The following HSPA12B variants were observed in gnomAD, a reference collection of about 807,000 sequenced individuals.
HSPA12B encodes heat shock protein family A (Hsp70) member 12B.
A neutral mutation model predicts 69.3 loss-of-function variants in HSPA12B; 54 were observed. The observed-to-expected ratio is 0.78, with a 90% CI of 0.63 to 0.98. HSPA12B has a LOEUF of 0.98. HSPA12B is among the 50% of genes least tolerant of loss of function. The probability of loss-of-function intolerance (pLI) is 0.00; values close to 1 mark genes in which losing one functional copy is unlikely to be tolerated. For synonymous variants in HSPA12B, 441 were observed against 436.5 expected, an observed-to-expected ratio of 1.01 and a Z score of -0.13; for missense variants, 929 against 999.8, an observed-to-expected ratio of 0.93 and a Z score of 0.96.
In HSPA12B at chr20:3,749,849, C is replaced by T. The variant is rs1442205668; in HGVS notation, c.1037C>T (p.Ala346Val). The change falls in exon 10 of 13, where the codon GCA becomes GTA. Residue 346 changes from alanine (A) to valine (V), a missense_variant. Coordinates refer to ENST00000254963, the MANE Select transcript of HSPA12B (RefSeq NM_052970.5). The surrounding 1 kb of genome is among the most constrained non-coding windows in gnomAD (Gnocchi z 5.5). ...PHGTLKELYK[A>V]SGGPYGAVGV... ...GGCACCCTCAAGGAGCTCTACAAGGCATCTGGTGAGTAGCCAGGCGGCGCC... is the reference window on the plus strand; with the variant it reads ...GGCACCCTCAAGGAGCTCTACAAGGTATCTGGTGAGTAGCCAGGCGGCGCC... The T allele has an allele frequency of 1.2e-6, 2 of 1,603,568 alleles. No homozygotes were observed. Among genetic ancestry groups the T allele is most frequent in the African/African-American group, 2.7e-5 (2 of 74,510 alleles).
In HSPA12B at chr20:3,751,859, C is replaced by A; in HGVS notation, c.1754C>A (p.Ala585Asp). ...ERFVAAEQSVALGEEVRRSYC... is the reference protein window; with the variant it reads ...ERFVAAEQSVDLGEEVRRSYC... ...TTCGTGGCCGCCGAGCAGTCGGTGG[C>A]CCTGGGCGAGGAGGTGCGGCGCAGC... Residue 585 changes from alanine to aspartate, a missense_variant, in exon 13 of 13, where the codon GCC becomes GAC. Physicochemically the swap from Ala to Asp is moderately radical, Grantham distance 126 (BLOSUM62 -2). Transcript: ENST00000254963. 6.5e-7 allele frequency: 1 copy of A among 1,550,178 alleles called. No individual in the cohort carries two copies.
chr20:3,752,683 TG>T lies in HSPA12B; in HGVS notation c.*518del. On this transcript the variant is annotated 3_prime_UTR_variant, in exon 13 of 13. Transcript: ENST00000254963. ...TGGAAGTGGACTCCAGAGGGACAGG[TG>T]TGGTGGCACAGTCCTGGTGTGGTGC... The T allele has an allele frequency of 6.4e-6, 1 of 155,808 alleles. No homozygotes were observed. The highest frequency in any genetic ancestry group is 1.4e-5 in the Non-Finnish European group (1 of 69,646). The allele number at this position is 155,808 out of a possible 1,614,324, so 9.7% of individuals were successfully genotyped here.
At chr20:3,750,409 G>C (rs541168549) in intron 11 of HSPA12B, among the ~76,000 whole-genome samples, 182 bp downstream of exon 11, 1 of 152,132 alleles carries the variant, frequency 6.6e-6, no homozygotes, top group Non-Finnish European at 1.5e-5. Flanking sequence ...AGCCCAGCAG[G>C]CTCCACCCAC....
Position 3,748,240 on chromosome 20 carries a change from T to C in HSPA12B, c.699T>C (p.Asn233=), listed in dbSNP as rs761915937. ...AGGCTGGACTAGTGTCCCGAGAGAA[T>C]GCAGAGCAGCTACTCATCGCCCTGG... ...AYLAGLVSRE[N]AEQLLIALEP... is the part of the protein sequence containing the mutation. The change falls in exon 8 of 13, where the codon AAT becomes AAC. Residue 233 remains asparagine, a synonymous_variant. Coordinates refer to ENST00000254963, the MANE Select transcript of HSPA12B (RefSeq NM_052970.5). 7.6e-6 allele frequency: 12 copies of C among 1,589,054 alleles called. No homozygotes were observed. Among genetic ancestry groups the C allele is most frequent in the Non-Finnish European group, 9.4e-6 (11 of 1,166,012 alleles).
rs1013344468 is a variant in HSPA12B, at chr20:3,751,848, G to A, written c.1743G>A (p.Glu581=). The A allele has an allele frequency of 6.5e-7, 1 of 1,543,366 alleles. No homozygotes were observed. The highest frequency in any genetic ancestry group is 8.7e-7 in the Non-Finnish European group (1 of 1,150,572). The change falls in exon 13 of 13, where the codon GAG becomes GAA. Residue 581 remains glutamate (E), a synonymous_variant. Transcript: ENST00000254963. Reference sequence around the variant, plus strand: ...TCTTCGAGCGCTTCGTGGCCGCCGAGCAGTCGGTGGCCCTGGGCGAGGAGG... The same window carrying A: ...TCTTCGAGCGCTTCGTGGCCGCCGAACAGTCGGTGGCCCTGGGCGAGGAGG... The part of the protein sequence containing the change: ...TDVFERFVAA[E]QSVALGEEVR...
chr20:3,744,802 C>T lies in HSPA12B; in HGVS notation c.267-100C>T. The T allele has an allele frequency of 8.8e-7, 1 of 1,135,608 alleles. No homozygotes were observed. Among genetic ancestry groups the T allele is most frequent in the Non-Finnish European group, 1.3e-6 (1 of 785,614 alleles). 70.3% of individuals were successfully genotyped at this position (1,135,608 alleles called of 1,614,324 possible). A position where few individuals can be genotyped will look rare whatever the true frequency, so the allele number is the denominator to read the frequency against. On this transcript the variant is annotated intron_variant, in intron 4 of 12. Coordinates refer to ENST00000254963, the MANE Select transcript of HSPA12B (RefSeq NM_052970.5). This position sits in a 1 kb window ranked among gnomAD's most constrained non-coding sequence, Gnocchi z 4.9. ...GGAGCCGACCCATAGCTAGTTCTCC[C>T]TGCTCTTTCACATCTGTAAGTTTTT...
At chr20:3,750,965 A>C in intron 12 of HSPA12B, 58 bp downstream of exon 12, 1 of 1,438,002 alleles carries the variant, frequency 7.0e-7, no homozygotes, top group Non-Finnish European at 9.8e-7. Context: ...GATGCAGAAT[A>C]ATTCCCCCCC....
At chr20:3,733,593 G>A (rs1641118307) in intron 1 of HSPA12B, among the ~76,000 whole-genome samples, 1 of 152,144 alleles carries the variant, frequency 6.6e-6, no homozygotes, top group African/African-American at 2.4e-5. Flanking sequence ...GTCACTCCCT[G>A]CCCCAGCGCA....
chr20:3,741,157 C>A (rs986099944), intron 3 of HSPA12B, among the ~76,000 whole-genome samples: 1 of 152,096 alleles, frequency 6.6e-6, no homozygotes, highest in Admixed American at 6.5e-5. Flanking sequence ...CCAACCCCCC[C>A]ACACAGGAGG....
chr20:3,746,301 C>CTTT (rs11473544), intron 7 of HSPA12B, among the ~76,000 whole-genome samples: 47,291 of 88,914 alleles, frequency 0.53, 15,041 homozygotes, highest in Middle Eastern at 0.62. Context: ...GATGGAGAGT[C>CTTT]TTTTTTTTTT....
intron 7 of HSPA12B, among the ~76,000 whole-genome samples, chr20:3,747,849 C>A (rs2088334074): frequency 6.6e-6 from 1 of 152,072 alleles, no homozygotes. Flanking sequence ...CTGCCAATAC[C>A]CCCAGCCAGC....
Position 3,737,057 on chromosome 20 carries a change from A to AAAAT in HSPA12B, c.-17-1555_-17-1552dup, listed in dbSNP as rs11470713. ...GGGGACAGAGTGAGACTCTGCCTCA[A>AAAAT]AAATAAATAAATAAATAAATAAATA... On this transcript the variant is annotated intron_variant, in intron 1 of 12. Coordinates refer to ENST00000254963, the MANE Select transcript of HSPA12B (RefSeq NM_052970.5). This position sits in a 1 kb window ranked among gnomAD's most constrained non-coding sequence, Gnocchi z 4.1. Among the ~76,000 whole-genome samples the AAAAT allele has an allele frequency of 0.016, 2,312 of 146,316 alleles. 27 individuals are homozygous for AAAAT. The highest frequency in any genetic ancestry group is 0.028 in the Middle Eastern group (8 of 288).
Position 3,753,075 on chromosome 20 carries a change from C to G in HSPA12B, c.*909C>G, listed in dbSNP as rs2088456355. Reference sequence around the variant, plus strand: ...GCAACAGCCCCACCTGCCTGAGAGCCCTGAGGTGACAATAAAACATTTATG... The same window carrying G: ...GCAACAGCCCCACCTGCCTGAGAGCGCTGAGGTGACAATAAAACATTTATG... On this transcript the variant is annotated 3_prime_UTR_variant, in exon 13 of 13. Transcript: ENST00000254963. 1 of 153,104 alleles carries G rather than the reference C, an allele frequency of 6.5e-6. No individual in the cohort carries two copies. Among genetic ancestry groups the G allele is most frequent in the African/African-American group, 2.4e-5 (1 of 41,442 alleles). 9.5% of individuals were successfully genotyped at this position (153,104 alleles called of 1,614,324 possible).
intron 12 of HSPA12B, 126 bp from the exon 13 acceptor site, chr20:3,751,385 G>T: frequency 7.5e-7 from 1 of 1,341,906 alleles, no homozygotes; most frequent in Non-Finnish European, 9.5e-7. Flanking sequence ...CTTTCTAGTC[G>T]CCAGGTAGGT....
At position 3,748,262 on chromosome 20, in the gene HSPA12B, C is replaced by G. The variant is rs2047416974; in HGVS notation, c.721C>G (p.Leu241Val). 1.0e-5 allele frequency: 16 copies of G among 1,602,690 alleles called. No individual in the cohort carries two copies. The highest frequency in any genetic ancestry group is 1.3e-5 in the Non-Finnish European group (15 of 1,173,880). Residue 241 changes from leucine (L) to valine (V), a missense_variant, in exon 8 of 13, where the codon CTG becomes GTG. This residue lies in a region of HSPA12B where 477 missense variants were observed against 535.2 expected (regional missense o/e 0.89). Transcript: ENST00000254963. ...RENAEQLLIA[L>V]EPEAASVYCR... ...GAATGCAGAGCAGCTACTCATCGCCCTGGAGCCCGAGGCCGCCTCGGTATA... is the reference window on the plus strand; with the variant it reads ...GAATGCAGAGCAGCTACTCATCGCCGTGGAGCCCGAGGCCGCCTCGGTATA...
chr20:3,747,323 T>C (rs910652), intron 7 of HSPA12B, among the ~76,000 whole-genome samples: 45,055 of 152,066 alleles, frequency 0.3, 6,893 homozygotes, highest in Middle Eastern at 0.34. Flanking sequence ...GTCTACACTT[T>C]TCACTGGAAG....
At position 3,742,301 on chromosome 20, in the gene HSPA12B, C is replaced by G. The variant is rs1352231735; in HGVS notation, c.159C>G (p.Ala53=). ...ACTTGCAGAAACCCGAGGTCCGAGC[C>G]CCCCAGCAGGCCTCCTTCTCTGTGG... The part of the protein sequence containing the change: ...PSQSPKPEVR[A]PQQASFSVVV... Residue 53 remains alanine, a synonymous_variant, in exon 4 of 13, where the codon GCC becomes GCG. Transcript: ENST00000254963. 6.2e-7 allele frequency: 1 copy of G among 1,613,950 alleles called. No individual in the cohort carries two copies. The highest frequency in any genetic ancestry group is 1.7e-5 in the Admixed American group (1 of 60,018).
intron 3 of HSPA12B, among the ~76,000 whole-genome samples, chr20:3,741,151 C>A (rs1432954841): frequency 6.6e-6 from 1 of 151,996 alleles, no homozygotes; most frequent in Non-Finnish European, 1.5e-5. Flanking sequence ...TAACTCCCAA[C>A]CCCCCCACAC....
chr20:3,736,441 C>A (rs1396335127), intron 1 of HSPA12B, among the ~76,000 whole-genome samples: 1 of 152,214 alleles, frequency 6.6e-6, no homozygotes, highest in Admixed American at 6.5e-5. Context: ...AGGTGTCTGT[C>A]CACAATGGGG....
Sources: allele counts gnomAD v4.1 joint callset (sites outside exome capture counted in the v4.1 genomes callset), GRCh38; gene constraint gnomAD v4.1.1; regional missense constraint gnomAD v4.1.1; non-coding constraint Gnocchi (gnomAD v3.1); transcripts MANE v1.5; gene names NCBI Gene and HGNC (gene_info 2026-07-23, HGNC 2026-07-21).